SLC6A2: variants seen among roughly 807,000 people sequenced by gnomAD.
The protein encoded by SLC6A2 is solute carrier family 6 member 2, also known as sodium-dependent noradrenaline transporter.
Under a neutral mutation model 71.7 loss-of-function variants are expected in SLC6A2, and 26 were observed. The ratio of observed to expected loss-of-function variants is 0.36; its 90% CI spans 0.27 to 0.50. The LOEUF is 0.50. Ranked by LOEUF, SLC6A2 falls within the 20% of genes least tolerant of loss-of-function variation. SLC6A2 has a pLI of 0.96. For synonymous variants in SLC6A2, 363 were observed against 337.9 expected, an observed-to-expected ratio of 1.07 and a Z score of -0.82; for missense variants, 581 against 803.9, an observed-to-expected ratio of 0.72 and a Z score of 3.35.
Position 55,671,965 on chromosome 16 carries a change from C to T in SLC6A2, c.434C>T (p.Ala145Val). ...GTTGGCTATGCTGTCATCCTGATCG[C>T]CCTGTACGTTGGCTTCTACTACAAC... is the stretch of plus-strand genomic sequence containing the variant. ...KGVGYAVILI[A>V]LYVGFYYNVI... Residue 145 changes from alanine (A) to valine (V), a missense_variant, in exon 4 of 15, where the codon GCC becomes GTC. Physicochemically the swap from Ala to Val is moderately conservative, Grantham distance 64 (BLOSUM62 0). Transcript: ENST00000568943. The T allele has an allele frequency of 6.2e-7, 1 of 1,614,168 alleles. No individual in the cohort carries two copies. Among genetic ancestry groups the T allele is most frequent in the Non-Finnish European group, 8.5e-7 (1 of 1,180,034 alleles).
rs1965408170 is a variant in SLC6A2 at position 55,685,123 on chromosome 16, C to T, written c.645-20C>T. 1 of 1,613,852 alleles carries T rather than the reference C, an allele frequency of 6.2e-7. No individual in the cohort carries two copies. The highest frequency in any genetic ancestry group is 8.5e-7 in the Non-Finnish European group (1 of 1,179,938). ...CCCTGACGACATTTACCCTGGTCCC[C>T]TCCCCTCTCCTCTGGGCAGGCGTGG... On this transcript the variant is annotated intron_variant, in intron 4 of 14. Coordinates refer to ENST00000568943, the MANE Select transcript of SLC6A2 (RefSeq NM_001172501.3).
intron 11 of SLC6A2, among the ~76,000 whole-genome samples, chr16:55,699,329 C>T (rs1461902927): frequency 6.6e-6 from 1 of 152,228 alleles, no homozygotes; most frequent in Non-Finnish European, 1.5e-5. Flanking sequence ...AGGTTTCCCT[C>T]TGACAGGTGA....
chr16:55,679,682 G>A (rs963347955), intron 4 of SLC6A2, among the ~76,000 whole-genome samples: 4 of 152,164 alleles, frequency 2.6e-5, no homozygotes, highest in African/African-American at 7.2e-5. Flanking sequence ...AATTGAGCTC[G>A]GACGTGTGTT....
chr16:55,668,690 T>C (rs1328984887), intron 2 of SLC6A2, among the ~76,000 whole-genome samples: 2 of 152,176 alleles, frequency 1.3e-5, no homozygotes, highest in Admixed American at 6.5e-5. Context: ...GAGAATTGTC[T>C]CTGCAACTCA....
intron 2 of SLC6A2, among the ~76,000 whole-genome samples, chr16:55,657,225 C>G (rs556818490): frequency 2.0e-5 from 3 of 152,274 alleles, no homozygotes; most frequent in South Asian, 2.1e-4. Flanking sequence ...GGAAGCAAAA[C>G]AGCAGAAGAG....
At position 55,701,895 on chromosome 16, in the gene SLC6A2, G is replaced by T; in HGVS notation, c.1791G>T (p.Glu597Asp). Residue 597 changes from glutamate (E) to aspartate (D), a missense_variant, in exon 14 of 15, where the codon GAG (glutamate) becomes GAT (aspartate). Transcript: ENST00000568943. The stretch of plus-strand genomic sequence containing the variant: ...CCTATGGCATCACGCCAGAGAACGA[G>T]CACCACCTGGTGGCTCAGAGGGACA... ...RLAYGITPEN[E>D]HHLVAQRDIR... is the part of the protein sequence containing the mutation. 6.2e-7 allele frequency: 1 copy of T among 1,614,096 alleles called. No individual in the cohort carries two copies. Among genetic ancestry groups the T allele is most frequent in the Non-Finnish European group, 8.5e-7 (1 of 1,179,926 alleles).
At chr16:55,698,392 A>G in intron 10 of SLC6A2, 77 bp from the exon 11 acceptor site, 4 of 1,020,564 alleles carry the variant, frequency 3.9e-6, no homozygotes, top group Non-Finnish European at 6.2e-6. Context: ...GGGGGCAGGT[A>G]AGAGTTGACA....
In SLC6A2 at chr16:55,656,346, A is replaced by G. The variant is rs768094704; in HGVS notation, c.-52+177A>G. 8.8e-5 allele frequency: 35 copies of G among 396,720 alleles called. No homozygotes were observed. The highest frequency in any genetic ancestry group is 1.9e-4 in the Admixed American group (5 of 25,954). 24.6% of individuals were successfully genotyped at this position (396,720 alleles called of 1,614,324 possible). A position where few individuals can be genotyped will look rare whatever the true frequency, so the allele number is the denominator to read the frequency against. On this transcript the variant is annotated intron_variant, in intron 1 of 14. Coordinates refer to ENST00000568943, the MANE Select transcript of SLC6A2 (RefSeq NM_001172501.3). The surrounding 1 kb of genome is among the most constrained non-coding windows in gnomAD (Gnocchi z 4.5). ...GGGAGGGGGTCGGCACGCTGCCCTC[A>G]GCCTCGGTGAGTTCAATCCCAGCCA...
rs1414737353 is a variant in SLC6A2 at position 55,705,101 on chromosome 16, G to T, written c.*2755G>T. ...ACTTGACGCTTTTGATATTTTTTCA[G>T]GTTTTTAAAGAATTATTATTTTTCA... On this transcript the variant is annotated 3_prime_UTR_variant, in exon 15 of 15. Transcript: ENST00000568943. 3.4e-6 allele frequency: 3 copies of T among 873,424 alleles called. No homozygotes were observed. The highest frequency in any genetic ancestry group is 5.5e-6 in the Non-Finnish European group (3 of 547,760). The allele number at this position is 873,424 out of a possible 1,614,324, so 54.1% of individuals were successfully genotyped here.
At chr16:55,692,965 G>C (rs1451919528) in intron 6 of SLC6A2, among the ~76,000 whole-genome samples, 1 of 152,208 alleles carries the variant, frequency 6.6e-6, no homozygotes, top group African/African-American at 2.4e-5. Flanking sequence ...ACTTCTATTT[G>C]TTCTGTGACT....
intron 3 of SLC6A2, among the ~76,000 whole-genome samples, chr16:55,671,417 A>C (rs1964907345): frequency 6.6e-6 from 1 of 152,142 alleles, no homozygotes. Context: ...AAGAGATGGC[A>C]GGGGCCTATG....
chr16:55,657,033 A>G, intron 2 of SLC6A2, 65 bp downstream of exon 2: 1 of 1,572,638 alleles, frequency 6.4e-7, no homozygotes, highest in Non-Finnish European at 8.7e-7. Flanking sequence ...GGTGGCTGGG[A>G]CAGGAGCTGG....
Position 55,698,008 on chromosome 16 carries a change from C to T in SLC6A2, c.1372C>T (p.Leu458=). 6.2e-7 allele frequency: 1 copy of T among 1,614,212 alleles called. No individual in the cohort carries two copies. The highest frequency in any genetic ancestry group is 8.5e-7 in the Non-Finnish European group (1 of 1,180,032). The change falls in exon 10 of 15, where the codon CTG becomes TTG. Residue 458 remains leucine (L), a synonymous_variant. Transcript: ENST00000568943. ...GVTFSTFLLA[L]FCITKGGIYV... The stretch of plus-strand genomic sequence containing the variant: ...CACCTTCAGCACTTTCCTTCTCGCC[C>T]TGTTCTGCATAACCAAGGTGAGTAG...
intron 4 of SLC6A2, among the ~76,000 whole-genome samples, chr16:55,672,787 G>T (rs1480787909): frequency 6.6e-6 from 1 of 152,230 alleles, no homozygotes; most frequent in Middle Eastern, 3.2e-3. Flanking sequence ...GCTGTATGCA[G>T]CTCTGAGAAA....
intron 2 of SLC6A2, among the ~76,000 whole-genome samples, chr16:55,664,832 A>G (rs1283478955): frequency 6.6e-6 from 1 of 151,898 alleles, no homozygotes; most frequent in Non-Finnish European, 1.5e-5. Flanking sequence ...AGAGAGCACA[A>G]CTCTGCCCCC....
At chr16:55,684,194 G>T (rs1205210066) in intron 4 of SLC6A2, among the ~76,000 whole-genome samples, 1 of 151,632 alleles carries the variant, frequency 6.6e-6, no homozygotes, top group East Asian at 1.9e-4. Flanking sequence ...CAGCTACTTG[G>T]GAGGCTGAGG....
intron 4 of SLC6A2, among the ~76,000 whole-genome samples, chr16:55,683,121 C>T (rs1965330916): frequency 6.6e-6 from 1 of 152,110 alleles, no homozygotes; most frequent in Non-Finnish European, 1.5e-5. Context: ...CAGGGGAACC[C>T]TTCTCTCCTG....
At chr16:55,694,140 A>G (rs1489337596) in intron 7 of SLC6A2, 27 bp downstream of exon 7, 11 of 1,430,530 alleles carry the variant, frequency 7.7e-6, no homozygotes, top group East Asian at 4.5e-5. Flanking sequence ...AATTCTGAGA[A>G]GCTCTAAATC....
chr16:55,680,988 T>A (rs1408573864), intron 4 of SLC6A2, among the ~76,000 whole-genome samples: 1 of 151,974 alleles, frequency 6.6e-6, no homozygotes, highest in African/African-American at 2.4e-5. Context: ...ACATCCCCTC[T>A]CCCCATTGCT....
Sources: allele counts gnomAD v4.1 joint callset (sites outside exome capture counted in the v4.1 genomes callset), GRCh38; gene constraint gnomAD v4.1.1; non-coding constraint Gnocchi (gnomAD v3.1); transcripts MANE v1.5; gene names NCBI Gene and HGNC (gene_info 2026-07-23, HGNC 2026-07-21).